Variants in PCDH15 observed in about 807,000 individuals in gnomAD.
The protein encoded by PCDH15 is protocadherin related 15.
PCDH15 carries 129 observed loss-of-function variants against 178.5 expected under a neutral mutation model. That is an observed-to-expected ratio of 0.72 (90% confidence interval 0.63 to 0.84). The LOEUF is 0.84. PCDH15 is among the 40% of genes least tolerant of loss of function. The pLI is 0.00. For missense variants in PCDH15, 2,230 were observed against 2,099.9 expected, an observed-to-expected ratio of 1.06 and a Z score of -1.21; for synonymous variants, 800 against 732.0, an observed-to-expected ratio of 1.09 and a Z score of -1.50.
intron 2 of PCDH15, among the ~76,000 whole-genome samples, chr10:55,448,808 CA>C (rs1469001596): frequency 3.9e-5 from 6 of 151,940 alleles, no homozygotes. Context: ...GAACAAACTT[CA>C]AAATTGAAAA....
At chr10:55,234,238 T>C (rs1456510240) in intron 1 of PCDH15, among the ~76,000 whole-genome samples, 1 of 152,126 alleles carries the variant, frequency 6.6e-6, no homozygotes, top group African/African-American at 2.4e-5. Context: ...ATAGTTGAAA[T>C]CTAACTTTTC....
chr10:53,910,159 T>C (rs2082974663), intron 25 of PCDH15, among the ~76,000 whole-genome samples: 1 of 152,156 alleles, frequency 6.6e-6, no homozygotes, highest in Non-Finnish European at 1.5e-5. Flanking sequence ...GCAATGGTTC[T>C]CCCAGCACGG....
At chr10:53,996,591 A>G (rs1010021467) in intron 20 of PCDH15, among the ~76,000 whole-genome samples, 9 of 152,288 alleles carry the variant, frequency 5.9e-5, no homozygotes, top group African/African-American at 1.2e-4. Flanking sequence ...ACTAATCTGC[A>G]GAAAGGCTAG....
chr10:54,942,716 G>A (rs1330732997), intron 2 of PCDH15, among the ~76,000 whole-genome samples: 2 of 151,994 alleles, frequency 1.3e-5, no homozygotes, highest in African/African-American at 4.8e-5. Flanking sequence ...TTCTTATAGA[G>A]TGCGGAGCCT....
chr10:54,691,669 A>G (rs1454299442), intron 1 of PCDH15, among the ~76,000 whole-genome samples: 2 of 151,954 alleles, frequency 1.3e-5, no homozygotes, highest in Non-Finnish European at 2.9e-5. Context: ...TTTTACAGAC[A>G]TTTTAGATGT....
At chr10:54,610,827 C>T (rs2092936872) in intron 2 of PCDH15, among the ~76,000 whole-genome samples, 1 of 151,758 alleles carries the variant, frequency 6.6e-6, no homozygotes, top group Non-Finnish European at 1.5e-5. Context: ...CTGAAGTCAA[C>T]AAATGACAAA....
At chr10:54,272,848 T>C (rs1200655943) in intron 8 of PCDH15, among the ~76,000 whole-genome samples, 1 of 152,144 alleles carries the variant, frequency 6.6e-6, no homozygotes. Flanking sequence ...CACTTAGCAT[T>C]TTTAAATGTA....
At chr10:54,296,386 G>A (rs534862796) in intron 8 of PCDH15, among the ~76,000 whole-genome samples, 111 of 151,964 alleles carry the variant, frequency 7.3e-4, no homozygotes, top group African/African-American at 2.5e-3. Flanking sequence ...GAGGCTGAGC[G>A]GAACTCTCAA....
intron 1 of PCDH15, among the ~76,000 whole-genome samples, chr10:54,781,075 C>T (rs1354249193): frequency 6.6e-6 from 1 of 152,084 alleles, no homozygotes; most frequent in Non-Finnish European, 1.5e-5. Flanking sequence ...TAATAAAAAT[C>T]ATCAACAGTT....
intron 2 of PCDH15, among the ~76,000 whole-genome samples, chr10:55,603,289 G>C (rs1185168274): frequency 6.6e-6 from 1 of 150,812 alleles, no homozygotes; most frequent in African/African-American, 2.4e-5. Flanking sequence ...GAAAGTGATG[G>C]GGAGAATGGA....
intron 3 of PCDH15, among the ~76,000 whole-genome samples, chr10:54,431,778 A>C (rs2136008826): frequency 6.6e-6 from 1 of 152,298 alleles, no homozygotes; most frequent in Admixed American, 6.5e-5. Flanking sequence ...AGAGAAAGAA[A>C]CAAAGAGCAC....
chr10:55,330,321 G>C (rs1290045384), intron 2 of PCDH15, among the ~76,000 whole-genome samples: 1 of 151,656 alleles, frequency 6.6e-6, no homozygotes, highest in Admixed American at 6.6e-5. Flanking sequence ...ATTATAAAAG[G>C]CATCACTGAT....
chr10:55,388,707 A>G (rs1837721748), intron 2 of PCDH15, among the ~76,000 whole-genome samples: 1 of 152,104 alleles, frequency 6.6e-6, no homozygotes, highest in Admixed American at 6.6e-5. Context: ...GTTTTACTAA[A>G]AAATTAAAGA....
intron 2 of PCDH15, among the ~76,000 whole-genome samples, chr10:54,992,819 C>T (rs1031515277): frequency 2.6e-5 from 4 of 151,284 alleles, no homozygotes; most frequent in African/African-American, 9.7e-5. Context: ...GGAGAGATTT[C>T]CTTGCTAGCT....
chr10:54,195,114 G>A (rs1365799790), intron 11 of PCDH15, among the ~76,000 whole-genome samples: 1 of 152,178 alleles, frequency 6.6e-6, no homozygotes, highest in Non-Finnish European at 1.5e-5. Flanking sequence ...AGGAGGTAAA[G>A]TGTTCTGATT....
chr10:54,260,631 A>G (rs772352927), intron 8 of PCDH15, among the ~76,000 whole-genome samples: 1 of 152,016 alleles, frequency 6.6e-6, no homozygotes, highest in East Asian at 1.9e-4. Flanking sequence ...CCCAGGCAAG[A>G]GTGCAGTGGC....
intron 29 of PCDH15, among the ~76,000 whole-genome samples, chr10:53,832,936 CT>C (rs538395289): frequency 1.3e-5 from 2 of 151,722 alleles, no homozygotes; most frequent in African/African-American, 2.4e-5. Flanking sequence ...TGCTTTTTTG[CT>C]TTTTTTAAAC....
chr10:54,523,760 T>A (rs971206718), intron 3 of PCDH15, among the ~76,000 whole-genome samples: 4 of 152,218 alleles, frequency 2.6e-5, no homozygotes, highest in African/African-American at 9.6e-5. Flanking sequence ...AAGGTAGTGA[T>A]CAGATTTTCA....
chr10:54,611,714 T>C (rs913087994), intron 2 of PCDH15, among the ~76,000 whole-genome samples: 4 of 151,798 alleles, frequency 2.6e-5, no homozygotes, highest in African/African-American at 9.7e-5. Flanking sequence ...CACCTTAGGG[T>C]TAGTCCAGAC....
Sources: gnomAD v4.1 joint callset for allele counts (sites outside exome capture counted in the v4.1 genomes callset) on GRCh38, gnomAD v4.1.1 for gene constraint, MANE v1.5 for transcripts, NCBI Gene and HGNC (gene_info 2026-07-23, HGNC 2026-07-21) for gene names.